ATP10A: variants seen among roughly 807,000 people sequenced by gnomAD.
ATP10A encodes phospholipid-transporting ATPase VA.
ATP10A carries 111 observed loss-of-function variants against 147.8 expected under a neutral mutation model. The observed-to-expected ratio is 0.75, with a 90% confidence interval of 0.64 to 0.88. The LOEUF is 0.88. ATP10A is among the 40% of genes least tolerant of loss of function. The pLI is 0.00. For synonymous variants in ATP10A, 875 were observed against 841.6 expected, an observed-to-expected ratio of 1.04 and a Z score of -0.69; for missense variants, 1,927 against 1,959.0, an observed-to-expected ratio of 0.98 and a Z score of 0.31.
intron 2 of ATP10A, among the ~76,000 whole-genome samples, chr15:25,748,585 G>A (rs924005885): frequency 2.6e-5 from 4 of 151,812 alleles, no homozygotes; most frequent in Middle Eastern, 3.2e-3. Flanking sequence ...TTGTATCAGG[G>A]AAAGAATGTA....
chr15:25,752,782 C>A (rs1888221902), intron 2 of ATP10A, among the ~76,000 whole-genome samples: 1 of 152,128 alleles, frequency 6.6e-6, no homozygotes, highest in Non-Finnish European at 1.5e-5. Flanking sequence ...TGAAATTTGC[C>A]TATCCATGAA....
At chr15:25,791,016 C>A (rs1890394745) in intron 1 of ATP10A, among the ~76,000 whole-genome samples, 1 of 151,504 alleles carries the variant, frequency 6.6e-6, no homozygotes, top group Admixed American at 6.6e-5. Flanking sequence ...CCGTCAGTAT[C>A]TAAGAGTCTC....
rs1304617780 is a variant in ATP10A at position 25,733,157 on chromosome 15, T to C, written c.740+2899A>G. On this transcript the variant is annotated intron_variant, in intron 3 of 20. Coordinates refer to ENST00000555815, the MANE Select transcript of ATP10A (RefSeq NM_024490.4). Reference sequence around the variant, plus strand: ...AATCTGCCGGCATTCCTGGGCTCTGTGGTGTGAAGGAGGTTACGGGGCAGC... The same window carrying C: ...AATCTGCCGGCATTCCTGGGCTCTGCGGTGTGAAGGAGGTTACGGGGCAGC... 2.6e-5 allele frequency among the ~76,000 whole-genome samples: 4 copies of C among 152,008 alleles called. No homozygotes were observed. In the East Asian group the frequency reaches 7.8e-4, roughly 30 times the overall value.
chr15:25,864,610 CA>C (rs1168403112), upstream of ATP10A, among the ~76,000 whole-genome samples: 2 of 152,198 alleles, frequency 1.3e-5, no homozygotes, highest in African/African-American at 4.8e-5. Flanking sequence ...AGAGTGGTGA[CA>C]GGTGTGAAGA....
intron 1 of ATP10A, among the ~76,000 whole-genome samples, chr15:25,834,619 T>C (rs112756072): frequency 0.013 from 1,995 of 152,258 alleles, 43 homozygotes; most frequent in African/African-American, 0.046. Context: ...CCTAGGGACA[T>C]ACACAAGAGA....
rs145917731 is a variant in ATP10A at position 25,683,336 on chromosome 15, T to G, written c.3442A>C (p.Asn1148His). ...TGVLDRDVPA[N>H]VLLTNPQLYK... ...AGCTGCGGGTTGGTCAGCAGCACAT[T>G]GGCTGGCACATCCCTGTCCAGCACC... Residue 1148 changes from asparagine (N) to histidine (H), a missense_variant, in exon 17 of 21, where the codon AAT becomes CAT. Asn to His is a moderately conservative substitution (Grantham distance 68, BLOSUM62 1). Transcript: ENST00000555815. 1.2e-6 allele frequency: 2 copies of G among 1,613,988 alleles called. No homozygotes were observed. The highest frequency in any genetic ancestry group is 8.5e-7 in the Non-Finnish European group (1 of 1,180,030).
chr15:25,701,974 T>C lies in ATP10A; in HGVS notation c.2702A>G (p.Tyr901Cys). ...GTCGTGGTCCAGCAGTTTGCAGGCATATGCAATGTTGACAGCTGTTTCTTG... is the reference window on the plus strand; with the variant it reads ...GTCGTGGTCCAGCAGTTTGCAGGCACATGCAATGTTGACAGCTGTTTCTTG... ...DKQETAVNIA[Y>C]ACKLLDHDEE... The change falls in exon 13 of 21, where the codon TAT becomes TGT. Residue 901 changes from tyrosine (Y) to cysteine (C), a missense_variant. Physicochemically the swap from Tyr to Cys is radical, Grantham distance 194 (BLOSUM62 -2). Coordinates refer to ENST00000555815, the MANE Select transcript of ATP10A (RefSeq NM_024490.4). The C allele has an allele frequency of 6.2e-7, 1 of 1,614,006 alleles. No homozygotes were observed. Among genetic ancestry groups the C allele is most frequent in the Non-Finnish European group, 8.5e-7 (1 of 1,179,948 alleles).
intron 1 of ATP10A, among the ~76,000 whole-genome samples, chr15:25,817,798 G>A (rs527531582): frequency 2.6e-5 from 4 of 152,204 alleles, no homozygotes; most frequent in Admixed American, 2.6e-4. Context: ...TCTCTAAAAT[G>A]GGAACAATAC....
chr15:25,834,543 C>T (rs1281879643), intron 1 of ATP10A, among the ~76,000 whole-genome samples: 2 of 152,188 alleles, frequency 1.3e-5, no homozygotes, highest in African/African-American at 4.8e-5. Context: ...CGGAGAACTG[C>T]TGGTGGGAAT....
chr15:25,679,623 T>C lies in ATP10A; in HGVS notation c.4218A>G (p.Pro1406=). The C allele has an allele frequency of 1.2e-6, 2 of 1,613,152 alleles. No individual in the cohort carries two copies. Among genetic ancestry groups the C allele is most frequent in the Non-Finnish European group, 1.7e-6 (2 of 1,179,784 alleles). The change falls in exon 21 of 21, where the codon CCA becomes CCG. Residue 1406 remains proline, a synonymous_variant. Coordinates refer to ENST00000555815, the MANE Select transcript of ATP10A (RefSeq NM_024490.4). ...CCTTGGACTCCTCAGGACACCCTCC[T>C]GGACTCCTCAGGACAGCCTCCCCTG... ...SAPGEAVLRS[P]GGCPEESKVR...
chr15:25,711,172 T>G (rs550248602), intron 10 of ATP10A, among the ~76,000 whole-genome samples: 4 of 152,270 alleles, frequency 2.6e-5, no homozygotes, highest in African/African-American at 9.6e-5. Context: ...CCCATCCTGC[T>G]GATATCATAC....
rs560446354 is a variant in ATP10A, at chr15:25,708,573, G to A, written c.2345-273C>T. 3.8e-5 allele frequency: 15 copies of A among 397,648 alleles called. No homozygotes were observed. In the Admixed American group the frequency reaches 4.3e-4, roughly 11 times the overall value. 24.6% of individuals were successfully genotyped at this position (397,648 alleles called of 1,614,324 possible). A position where few individuals can be genotyped will look rare whatever the true frequency, so the allele number is the denominator to read the frequency against. Reference sequence around the variant, plus strand: ...TGGACTCAAATCATCCACCCGCCTCGGCCTCCGAAAGTACTGGGATTACAG... The same window carrying A: ...TGGACTCAAATCATCCACCCGCCTCAGCCTCCGAAAGTACTGGGATTACAG... On this transcript the variant is annotated intron_variant, in intron 10 of 20. Coordinates refer to ENST00000555815, the MANE Select transcript of ATP10A (RefSeq NM_024490.4).
Position 25,714,239 on chromosome 15 carries a change from C to T in ATP10A, c.1779G>A (p.Val593=). 6.3e-7 allele frequency: 1 copy of T among 1,599,156 alleles called. No individual in the cohort carries two copies. The highest frequency in any genetic ancestry group is 1.1e-5 in the South Asian group (1 of 91,070). Residue 593 remains valine (V), a splice_region_variant and synonymous_variant, in exon 10 of 21, where the codon GTG becomes GTA. Coordinates refer to ENST00000555815, the MANE Select transcript of ATP10A (RefSeq NM_024490.4). The stretch of plus-strand genomic sequence containing the variant: ...GGGACTTCAGCTCAAACCTCACCCT[C>T]ACCTGCAAGAGAAATGGTCAGAAGG... ...VTSPDQPRTK[V]RVRFELKSPV... is the part of the protein sequence containing the mutation.
intron 10 of ATP10A, chr15:25,709,706 AG>A: frequency 6.6e-6 from 1 of 152,442 alleles, no homozygotes; most frequent in South Asian, 2.1e-4. Flanking sequence ...TGGCCCTGCC[AG>A]GCAGAAGTGG....
chr15:25,705,791 A>G (rs957017511), intron 12 of ATP10A, among the ~76,000 whole-genome samples: 9 of 152,228 alleles, frequency 5.9e-5, no homozygotes, highest in Non-Finnish European at 1.3e-4. Flanking sequence ...TCAAAAGGCG[A>G]CGTGAGATTC....
chr15:25,759,558 C>T lies in ATP10A; in HGVS notation c.654+21461G>A, dbSNP rs530420037. On this transcript the variant is annotated intron_variant, in intron 2 of 20. Coordinates refer to ENST00000555815, the MANE Select transcript of ATP10A (RefSeq NM_024490.4). ...TGGTGGCTCAGGCCTGTAATCCCAG[C>T]ACTTCTGGAGGCCAAGGTGGGCGGA... Among the ~76,000 whole-genome samples, 21 of 152,224 alleles carry T rather than the reference C, an allele frequency of 1.4e-4. No homozygotes were observed. The East Asian group carries it at 2.5e-3, about 18-fold the overall frequency.
intron 4 of ATP10A, 83 bp downstream of exon 4, chr15:25,727,077 A>AAAAAG: frequency 8.6e-7 from 1 of 1,157,360 alleles, no homozygotes; most frequent in South Asian, 1.4e-5. Context: ...ATGAAAAAGA[A>AAAAAG]AAAAGAAAAG....
chr15:25,746,855 G>A (rs560636163), intron 2 of ATP10A, among the ~76,000 whole-genome samples: 8 of 152,254 alleles, frequency 5.3e-5, no homozygotes, highest in Non-Finnish European at 1.2e-4. Context: ...CTTTTTGTGT[G>A]TTGGCATATG....
Position 25,716,529 on chromosome 15 carries a change from C to CTA in ATP10A, c.1776+199_1776+200dup, listed in dbSNP as rs144417843. Among the ~76,000 whole-genome samples, 784 of 152,330 alleles carry CTA rather than the reference C, an allele frequency of 5.1e-3. 3 individuals carry two copies. The highest frequency in any genetic ancestry group is 0.018 in the African/African-American group (760 of 41,580). On this transcript the variant is annotated intron_variant, in intron 9 of 20. Transcript: ENST00000555815. The stretch of plus-strand genomic sequence containing the variant: ...TGGCCCCAATCATAGCCCCTGCCCA[C>CTA]TATAGCCTGGGGCCAACGCTGCAGA...
Sources: allele counts gnomAD v4.1 joint callset (sites outside exome capture counted in the v4.1 genomes callset), GRCh38; gene constraint gnomAD v4.1.1; transcripts MANE v1.5; gene names NCBI Gene and HGNC (gene_info 2026-07-23, HGNC 2026-07-21).